The following TMEM117 variants were observed in gnomAD, a reference collection of about 807,000 sequenced individuals.
TMEM117 encodes the protein transmembrane protein 117.
TMEM117 carries 27 observed loss-of-function variants against 52.4 expected under a neutral mutation model. That is an observed-to-expected ratio of 0.51 (90% CI 0.38 to 0.71). The LOEUF is 0.71. Among genes scored for constraint, TMEM117 ranks in the 30% least tolerant of loss-of-function variants. The pLI is 0.00. For synonymous variants in TMEM117, 215 were observed against 206.3 expected (o/e 1.04, Z -0.36); for missense variants, 556 against 630.5 (o/e 0.88, Z 1.26).
intron 2 of TMEM117, among the ~76,000 whole-genome samples, chr12:43,904,135 A>G: frequency 6.6e-6 from 1 of 152,230 alleles, no homozygotes; most frequent in Non-Finnish European, 1.5e-5. Context: ...ATTAAAAAGA[A>G]TGATTTCTTA....
intron 3 of TMEM117, among the ~76,000 whole-genome samples, chr12:44,139,891 C>T (rs920899536): frequency 3.3e-5 from 5 of 152,070 alleles, no homozygotes; most frequent in African/African-American, 1.2e-4. Context: ...TTGTTGTTTA[C>T]AATCCAACCA....
chr12:44,279,837 G>A (rs951844489), intron 5 of TMEM117, among the ~76,000 whole-genome samples: 1 of 152,062 alleles, frequency 6.6e-6, no homozygotes, highest in Non-Finnish European at 1.5e-5. Context: ...GCAATCTCGT[G>A]TTGAAGAAGG....
At chr12:44,137,737 G>A (rs1175863141) in intron 3 of TMEM117, among the ~76,000 whole-genome samples, 7 of 152,058 alleles carry the variant, frequency 4.6e-5, no homozygotes, top group Non-Finnish European at 1.0e-4. Flanking sequence ...TCACCATTGC[G>A]AGAAGAGCAC....
intron 3 of TMEM117, among the ~76,000 whole-genome samples, chr12:43,954,614 G>A (rs554199631): frequency 1.3e-5 from 2 of 152,226 alleles, no homozygotes; most frequent in South Asian, 4.1e-4. Context: ...TTGAATCCCT[G>A]AATAGAGCAA....
chr12:43,967,154 C>T (rs1346140064), intron 3 of TMEM117, among the ~76,000 whole-genome samples: 7 of 145,668 alleles, frequency 4.8e-5, no homozygotes, highest in African/African-American at 1.8e-4. Context: ...TTGAGTGAGG[C>T]GTCATTCTGT....
intron 3 of TMEM117, among the ~76,000 whole-genome samples, chr12:44,049,030 A>G (rs1423843860): frequency 1.3e-5 from 2 of 152,222 alleles, no homozygotes; most frequent in African/African-American, 4.8e-5. Context: ...AAGGTGGTCA[A>G]GAAATGCCTG....
chr12:44,020,821 C>T (rs978670043), intron 3 of TMEM117, among the ~76,000 whole-genome samples: 1 of 152,074 alleles, frequency 6.6e-6, no homozygotes, highest in Non-Finnish European at 1.5e-5. Flanking sequence ...ATAGAGGCTA[C>T]AATACATAGA....
chr12:44,093,523 C>T (rs986034063), intron 3 of TMEM117, among the ~76,000 whole-genome samples: 36 of 152,052 alleles, frequency 2.4e-4, no homozygotes, highest in Non-Finnish European at 4.4e-4. Flanking sequence ...TGTATTAGAC[C>T]AATTCTAATG....
chr12:44,117,101 G>A (rs142319847), intron 3 of TMEM117, among the ~76,000 whole-genome samples: 67 of 152,156 alleles, frequency 4.4e-4, no homozygotes, highest in Non-Finnish European at 7.6e-4. Context: ...TCCACTTTTT[G>A]TTGCTCATCA....
chr12:44,037,858 C>CT (rs1420515915), intron 3 of TMEM117, among the ~76,000 whole-genome samples: 2 of 151,652 alleles, frequency 1.3e-5, no homozygotes, highest in Non-Finnish European at 2.9e-5. Flanking sequence ...CTCCTCTCTG[C>CT]TGAGAGAGGA....
chr12:44,171,834 A>G (rs1949051171), intron 4 of TMEM117, among the ~76,000 whole-genome samples: 1 of 152,118 alleles, frequency 6.6e-6, no homozygotes, highest in South Asian at 2.1e-4. Context: ...AGAAAGTAAC[A>G]TTTTTGCTGA....
chr12:44,330,264 A>C (rs1055187234), intron 6 of TMEM117, among the ~76,000 whole-genome samples: 11 of 151,576 alleles, frequency 7.3e-5, no homozygotes, highest in Non-Finnish European at 1.2e-4. Context: ...AAAAAAGTTA[A>C]CTTTTTTATG....
At chr12:44,349,825 A>T (rs576070223) in intron 6 of TMEM117, among the ~76,000 whole-genome samples, 1 of 152,064 alleles carries the variant, frequency 6.6e-6, no homozygotes, top group African/African-American at 2.4e-5. Flanking sequence ...ACCATGTACT[A>T]GAAACATAAA....
At chr12:44,034,009 G>C (rs1412037585) in intron 3 of TMEM117, among the ~76,000 whole-genome samples, 1 of 152,128 alleles carries the variant, frequency 6.6e-6, no homozygotes, top group East Asian at 1.9e-4. Flanking sequence ...CAATGGCAAA[G>C]ATCATGTATA....
intron 2 of TMEM117, among the ~76,000 whole-genome samples, chr12:43,880,044 C>T (rs1285486690): frequency 1.3e-5 from 2 of 152,184 alleles, no homozygotes; most frequent in African/African-American, 2.4e-5. Context: ...TGGAGTGTCT[C>T]TAATATTTTT....
At chr12:43,856,895 G>T (rs115504643) in intron 2 of TMEM117, among the ~76,000 whole-genome samples, 2,065 of 152,234 alleles carry the variant, frequency 0.014, 33 homozygotes, top group African/African-American at 0.048. Flanking sequence ...GATATTTGAT[G>T]TTTTAAAAAA....
At chr12:44,142,400 T>A (rs552098137) in intron 3 of TMEM117, among the ~76,000 whole-genome samples, 109 of 152,304 alleles carry the variant, frequency 7.2e-4, no homozygotes, top group African/African-American at 2.6e-3. Flanking sequence ...GTTTGCTTTT[T>A]TTGTTAAATA....
intron 3 of TMEM117, among the ~76,000 whole-genome samples, chr12:44,131,067 T>A (rs982677605): frequency 1.3e-5 from 2 of 152,174 alleles, no homozygotes; most frequent in Admixed American, 6.5e-5. Context: ...GTGGTTAATT[T>A]TGCTGTTTCT....
chr12:44,185,060 A>G (rs913615154), intron 4 of TMEM117, among the ~76,000 whole-genome samples: 5 of 152,170 alleles, frequency 3.3e-5, no homozygotes, highest in Admixed American at 1.3e-4. Flanking sequence ...AGTGTAATTT[A>G]GGTGCTCTTA....
Sources: allele counts gnomAD v4.1 joint callset (sites outside exome capture counted in the v4.1 genomes callset), GRCh38; gene constraint gnomAD v4.1.1; transcripts MANE v1.5; gene names NCBI Gene and HGNC (gene_info 2026-07-23, HGNC 2026-07-21).